Variants in KARS1 observed in about 807,000 individuals in gnomAD.
KARS1 encodes the protein lysyl-tRNA synthetase 1, also known as lysine--tRNA ligase.
Under a neutral mutation model 63.9 loss-of-function variants are expected in KARS1, and 50 were observed. That is an observed-to-expected ratio of 0.78 (90% CI 0.62 to 0.99). The LOEUF is 0.99. Ranked by LOEUF, KARS1 falls within the 50% of genes least tolerant of loss-of-function variation. The pLI is 0.00. For missense variants in KARS1, 816 were observed against 754.5 expected (o/e 1.08, Z -0.95); for synonymous variants, 320 against 264.6 (o/e 1.21, Z -2.03).
At chr16:75,628,143 C>G in intron 13 of KARS1, 150 bp from the exon 14 acceptor site, 1 of 692,442 alleles carries the variant, frequency 1.4e-6, no homozygotes, top group South Asian at 1.5e-5. Flanking sequence ...TCTTTTATTT[C>G]AACTCAGACC....
intron 7 of KARS1, chr16:75,633,837 T>G (rs2082135409): frequency 2.8e-6 from 1 of 352,498 alleles, no homozygotes; most frequent in Non-Finnish European, 5.5e-6. Context: ...ATTTCCAACT[T>G]CCACAGACAG....
At chr16:75,637,613 T>A (rs981351872) in intron 3 of KARS1, among the ~76,000 whole-genome samples, 5 of 149,970 alleles carry the variant, frequency 3.3e-5, no homozygotes, top group Non-Finnish European at 5.9e-5. Context: ...CTGTCTCTAC[T>A]AAAAAAAAAT....
chr16:75,646,848 C>G (rs376341274), intron 1 of KARS1, among the ~76,000 whole-genome samples: 2 of 152,080 alleles, frequency 1.3e-5, no homozygotes, highest in African/African-American at 2.4e-5. Flanking sequence ...TATGTACCAT[C>G]TTCCTAGCAA....
chr16:75,645,940 C>T (rs747142507), intron 1 of KARS1, among the ~76,000 whole-genome samples: 1 of 151,714 alleles, frequency 6.6e-6, no homozygotes, highest in Non-Finnish European at 1.5e-5. Context: ...CGTGCTTTCA[C>T]CTGTGATATA....
intron 3 of KARS1, among the ~76,000 whole-genome samples, chr16:75,639,089 A>T (rs1004074891): frequency 6.6e-6 from 1 of 151,610 alleles, no homozygotes; most frequent in African/African-American, 2.4e-5. Flanking sequence ...AATCGCTTGA[A>T]CCCGGAAGGC....
At chr16:75,642,669 T>TA (rs1206274638) in intron 1 of KARS1, 1 of 152,240 alleles carries the variant, frequency 6.6e-6, no homozygotes, top group East Asian at 1.9e-4. Flanking sequence ...CTGTCAGCAT[T>TA]AGTCTCACTT....
intron 1 of KARS1, chr16:75,644,273 G>A (rs768684531): frequency 6.3e-7 from 1 of 1,590,432 alleles, no homozygotes; most frequent in African/African-American, 1.3e-5. Flanking sequence ...AGAAGGTAAT[G>A]GGCACCAACC....
intron 7 of KARS1, chr16:75,633,827 A>G: frequency 2.9e-6 from 1 of 344,600 alleles, no homozygotes. Context: ...GAAGATGCTT[A>G]TTTCCAACTT....
chr16:75,633,573 A>G (rs1032681369), intron 7 of KARS1, among the ~76,000 whole-genome samples: 1 of 144,468 alleles, frequency 6.9e-6, no homozygotes, highest in Non-Finnish European at 1.5e-5. Context: ...GCTGGAGTGC[A>G]GTTGCAGGAT....
In KARS1 at chr16:75,629,411, T is replaced by A. The variant is rs535950337; in HGVS notation, c.1551+4A>T. 6.2e-7 allele frequency: 1 copy of A among 1,613,948 alleles called. No homozygotes were observed. The highest frequency in any genetic ancestry group is 1.1e-5 in the South Asian group (1 of 91,080). The stretch of plus-strand genomic sequence containing the variant: ...CAGCTTCTGCTCACAGTCCCCTTTC[T>A]CACCTTGGCCTGTTCTTCAAAAAGC... On this transcript the variant is annotated splice_donor_region_variant and intron_variant, in intron 12 of 13. Coordinates refer to ENST00000302445, the MANE Select transcript of KARS1 (RefSeq NM_005548.3).
intron 11 of KARS1, among the ~76,000 whole-genome samples, chr16:75,629,989 G>T (rs968365461): frequency 1.3e-5 from 2 of 152,244 alleles, no homozygotes; most frequent in Admixed American, 1.3e-4. Context: ...CGGGCAGACT[G>T]TTAAAATGGA....
At position 75,644,373 on chromosome 16, in the gene KARS1, CAGG is replaced by C. The variant is rs769629372; in HGVS notation, c.63-2653_63-2651del. The C allele has an allele frequency of 2.2e-5, 35 of 1,612,540 alleles. No homozygotes were observed. In the South Asian group the frequency reaches 3.6e-4, roughly 17 times the overall value. On this transcript the variant is annotated intron_variant, in intron 1 of 13. Transcript: ENST00000302445. ...CAGTTCCCTGTGACCCCACTCTGCC[CAGG>C]AGGTTTTGCGCAGGGACCCCCTAAC...
rs1396257895 is a variant in KARS1 at position 75,641,622 on chromosome 16, G to A, written c.164C>T (p.Ala55Val). ...ACCATTATCAGTGGTGTGGTTGGTG[G>A]CAGCAGCAGTGGCTTGGCTTAGCTG... ...EKQLSQATAA[A>V]TNHTTDNGVG... Residue 55 changes from alanine (A) to valine (V), a missense_variant, in exon 2 of 14, where the codon GCC becomes GTC. Physicochemically the swap from Ala to Val is moderately conservative, Grantham distance 64. Transcript: ENST00000302445. 11 of 1,613,824 alleles carry A rather than the reference G, an allele frequency of 6.8e-6. No individual in the cohort carries two copies. In the East Asian group the frequency reaches 2.0e-4, roughly 29 times the overall value.
At chr16:75,629,338 C>G in intron 12 of KARS1, 77 bp downstream of exon 12, 1 of 1,576,412 alleles carries the variant, frequency 6.3e-7, no homozygotes, top group Non-Finnish European at 8.7e-7. Flanking sequence ...AGAACGTATA[C>G]GCTGACACAG....
chr16:75,644,584 T>TA lies in KARS1; in HGVS notation c.63-2862dup, dbSNP rs1472942121. 5.0e-6 allele frequency: 3 copies of TA among 605,128 alleles called. No individual in the cohort carries two copies. The Admixed American group carries it at 9.5e-5, about 19-fold the overall frequency. The allele number at this position is 605,128 out of a possible 1,614,324, so 37.5% of individuals were successfully genotyped here. On this transcript the variant is annotated intron_variant, in intron 1 of 13. Coordinates refer to ENST00000302445, the MANE Select transcript of KARS1 (RefSeq NM_005548.3). ...TACTACCTTTTAGTCCCATTTAACT[T>TA]AAGACTGTCTTAACTGATAGCAACC...
At chr16:75,631,922 T>G (rs951528243) in intron 7 of KARS1, 67 bp from the exon 8 acceptor site, 1 of 1,589,880 alleles carries the variant, frequency 6.3e-7, no homozygotes, top group African/African-American at 1.3e-5. Context: ...AGTTTTGCTC[T>G]TGTTGCCTAG....
intron 3 of KARS1, chr16:75,639,949 G>A (rs2082204880): frequency 3.6e-6 from 2 of 552,794 alleles, no homozygotes; most frequent in South Asian, 4.3e-5. Flanking sequence ...CTGATGAAGG[G>A]AATCCTTATA....
At chr16:75,639,688 A>G (rs1215233984) in intron 3 of KARS1, 1 of 157,424 alleles carries the variant, frequency 6.4e-6, no homozygotes, top group East Asian at 1.9e-4. Context: ...ATGCGTAATC[A>G]AAACCTTCTC....
At chr16:75,647,445 C>T in intron 1 of KARS1, 133 bp downstream of exon 1, 1 of 851,862 alleles carries the variant, frequency 1.2e-6, no homozygotes, top group Non-Finnish European at 1.9e-6. Flanking sequence ...GCAGCCACCA[C>T]GTCTCAGCAT....
Sources: allele counts gnomAD v4.1 joint callset (sites outside exome capture counted in the v4.1 genomes callset), GRCh38; gene constraint gnomAD v4.1.1; transcripts MANE v1.5; gene names NCBI Gene and HGNC (gene_info 2026-07-23, HGNC 2026-07-21).